Variants in OR3A2 observed in about 807,000 individuals in gnomAD.
OR3A2 encodes olfactory receptor 3A2.
For synonymous variants in OR3A2, 126 were observed against 159.3 expected, an observed-to-expected ratio of 0.79 and a Z score of 1.57; for missense variants, 318 against 392.8, an observed-to-expected ratio of 0.81 and a Z score of 1.61.
At chr17:3,368,832 G>A (rs1456522140) in intron 2 of OR3A2, among the ~76,000 whole-genome samples, 1 of 152,100 alleles carries the variant, frequency 6.6e-6, no homozygotes, top group Non-Finnish European at 1.5e-5. Flanking sequence ...TTAGTGGTAT[G>A]GTCATTTTCA....
At chr17:3,384,088 G>A (rs939548243) in intron 1 of OR3A2, among the ~76,000 whole-genome samples, 3 of 152,010 alleles carry the variant, frequency 2.0e-5, no homozygotes, top group Admixed American at 2.0e-4. Flanking sequence ...GCTCCTTCCT[G>A]CAAGGAGCTT....
intron 2 of OR3A2, among the ~76,000 whole-genome samples, chr17:3,355,230 T>C (rs2049456223): frequency 6.6e-6 from 1 of 151,570 alleles, no homozygotes; most frequent in Non-Finnish European, 1.5e-5. Context: ...TGGACTATCA[T>C]TGAGAATGAT....
At chr17:3,284,039 A>C (rs2048792641) in intron 1 of OR3A2, among the ~76,000 whole-genome samples, 1 of 147,390 alleles carries the variant, frequency 6.8e-6, no homozygotes, top group African/African-American at 2.6e-5. Flanking sequence ...CCCATCCCTC[A>C]CGCGCCCAAC....
At chr17:3,372,820 G>A (rs1297412354) in intron 2 of OR3A2, among the ~76,000 whole-genome samples, 1 of 142,412 alleles carries the variant, frequency 7.0e-6, no homozygotes, top group Non-Finnish European at 1.5e-5. Flanking sequence ...CATGGAAAGA[G>A]GGAGAGGGAG....
exon 2 of OR3A2, chr17:3,278,501 C>T (rs761629573): frequency 1.7e-5 from 27 of 1,613,922 alleles, no homozygotes; most frequent in Non-Finnish European, 2.2e-5. Context: ...CTGTCTGACT[C>T]ATGCGGGTGC....
At chr17:3,286,371 A>G (rs566467118), upstream of OR3A2, among the ~76,000 whole-genome samples, 20 of 152,330 alleles carry the variant, frequency 1.3e-4, no homozygotes, top group Non-Finnish European at 2.5e-4. Context: ...TGCTACAATA[A>G]ACATACATGT....
intron 3 of OR3A2, chr17:3,291,648 C>T (rs567708340): frequency 1.1e-5 from 17 of 1,597,160 alleles, no homozygotes; most frequent in South Asian, 4.4e-5. Flanking sequence ...AGCCAGTGAC[C>T]GCCTCCCTGT....
At chr17:3,289,845 C>T (rs963051497) in intron 3 of OR3A2, among the ~76,000 whole-genome samples, 9 of 152,014 alleles carry the variant, frequency 5.9e-5, no homozygotes, top group African/African-American at 1.7e-4. Context: ...TCTTTGTGTC[C>T]CTGAAGTTTG....
At chr17:3,373,435 T>C (rs2049650856) in intron 2 of OR3A2, among the ~76,000 whole-genome samples, 1 of 152,192 alleles carries the variant, frequency 6.6e-6, no homozygotes, top group Non-Finnish European at 1.5e-5. Context: ...TCTCATTTCT[T>C]AGTTCTAGTA....
At chr17:3,288,280 AAG>A (rs2048833960), upstream of OR3A2, among the ~76,000 whole-genome samples, 1 of 151,652 alleles carries the variant, frequency 6.6e-6, no homozygotes, top group African/African-American at 2.4e-5. Context: ...AAAAAAGAAA[AAG>A]AAATCTGCAA....
At chr17:3,370,263 T>A (rs1430838396) in intron 2 of OR3A2, among the ~76,000 whole-genome samples, 5 of 152,246 alleles carry the variant, frequency 3.3e-5, no homozygotes, top group African/African-American at 1.2e-4. Flanking sequence ...GAGGGTTGTA[T>A]ATTTCCAGAA....
At chr17:3,296,792 A>C (rs2048921791) in intron 3 of OR3A2, among the ~76,000 whole-genome samples, 1 of 152,202 alleles carries the variant, frequency 6.6e-6, no homozygotes, top group Non-Finnish European at 1.5e-5. Flanking sequence ...AAAGTTGTTC[A>C]AAAAGGGACT....
rs1445035678 is a variant in OR3A2 at position 3,277,976 on chromosome 17, C to T, written c.942G>A (p.Leu314=). ...GGAGGGACCCCATTACCTCTCAGGT[C>T]AGTGATCTCCTCCCCAAAAATATTT... Residue 314 remains leucine (L), a synonymous_variant, in exon 2 of 2, where the codon CTG becomes CTA. Coordinates refer to ENST00000642052, the Ensembl canonical transcript of OR3A2. 2.1e-5 allele frequency: 34 copies of T among 1,596,196 alleles called. 1 individual carries two copies. Among genetic ancestry groups the T allele is most frequent in the Non-Finnish European group, 2.8e-5 (33 of 1,165,616 alleles).
chr17:3,292,111 T>C (rs1335969904), intron 3 of OR3A2: 1 of 1,614,054 alleles, frequency 6.2e-7, no homozygotes, highest in Non-Finnish European at 8.5e-7. Flanking sequence ...GTCAGTGCGT[T>C]GGTGAAAGCA....
intron 2 of OR3A2, among the ~76,000 whole-genome samples, chr17:3,372,904 A>AGAGGGC (rs2049645240): frequency 7.5e-6 from 1 of 133,524 alleles, no homozygotes; most frequent in African/African-American, 2.9e-5. Flanking sequence ...AGGGAGAGGG[A>AGAGGGC]GAGGGCTCTT....
chr17:3,285,004 A>C (rs2625469), upstream of OR3A2, among the ~76,000 whole-genome samples: 33,037 of 151,734 alleles, frequency 0.22, 5,073 homozygotes, highest in African/African-American at 0.42. Flanking sequence ...TCTCCTGGGG[A>C]CTTGTTAGTG....
intron 3 of OR3A2, among the ~76,000 whole-genome samples, chr17:3,302,727 G>A (rs1296604143): frequency 6.6e-6 from 1 of 152,186 alleles, no homozygotes; most frequent in African/African-American, 2.4e-5. Flanking sequence ...TTGACCGACT[G>A]GGAAAGGGCT....
At chr17:3,343,548 T>C (rs1453875013) in intron 2 of OR3A2, among the ~76,000 whole-genome samples, 1 of 152,194 alleles carries the variant, frequency 6.6e-6, no homozygotes. Context: ...GCATCCATTT[T>C]AGAAAACAGA....
chr17:3,358,289 T>G (rs1431675953), intron 2 of OR3A2, among the ~76,000 whole-genome samples: 1 of 151,842 alleles, frequency 6.6e-6, no homozygotes, highest in Non-Finnish European at 1.5e-5. Flanking sequence ...AGTTCAGTTC[T>G]GATTTTTGTT....
Sources: gnomAD v4.1 joint callset for allele counts (sites outside exome capture counted in the v4.1 genomes callset) on GRCh38, gnomAD v4.1.1 for gene constraint, MANE v1.5 for transcripts, NCBI Gene and HGNC (gene_info 2026-07-23, HGNC 2026-07-21) for gene names.